IL1RL2: variants seen among roughly 807,000 people sequenced by gnomAD.
IL1RL2 encodes the protein interleukin-1 receptor-like 2.
IL1RL2 carries 68 observed loss-of-function variants against 66.8 expected under a neutral mutation model. The observed-to-expected ratio is 1.02, with a 90% CI of 0.84 to 1.25. IL1RL2 has a LOEUF of 1.25. IL1RL2 is among the 50% of genes most tolerant of loss of function. The pLI is 0.00. For synonymous variants in IL1RL2, 305 were observed against 264.6 expected, an observed-to-expected ratio of 1.15 and a Z score of -1.48; for missense variants, 729 against 709.3, an observed-to-expected ratio of 1.03 and a Z score of -0.32.
chr2:102,203,813 T>C (rs1374043841), intron 5 of IL1RL2, among the ~76,000 whole-genome samples: 1 of 152,106 alleles, frequency 6.6e-6, no homozygotes. Context: ...CTTTTTTGCT[T>C]AGTCTGGCTA....
intron 9 of IL1RL2, among the ~76,000 whole-genome samples, chr2:102,226,704 G>A (rs1690648101): frequency 6.6e-6 from 1 of 151,958 alleles, no homozygotes; most frequent in Non-Finnish European, 1.5e-5. Flanking sequence ...GAGGGAAAAC[G>A]GAGGGAAGAA....
chr2:102,195,633 C>T lies in IL1RL2; in HGVS notation c.489+3513C>T, dbSNP rs1480785375. Among the ~76,000 whole-genome samples, 245 of 27,210 alleles carry T rather than the reference C, an allele frequency of 9.0e-3. 7 individuals carry two copies. Among genetic ancestry groups the T allele is most frequent in the African/African-American group, 0.018 (186 of 10,600 alleles). 17.9% of individuals were successfully genotyped at this position (27,210 alleles called of 152,430 possible). A position where few individuals can be genotyped will look rare whatever the true frequency, so the allele number is the denominator to read the frequency against. ...TCTTTCTTTCTTTCTTTCTTTCTCT[C>T]TCTCTCTCTCTCTCTTTCTTTCTTT... On this transcript the variant is annotated intron_variant, in intron 4 of 11. Coordinates refer to ENST00000264257, the MANE Select transcript of IL1RL2 (RefSeq NM_003854.4).
chr2:102,211,639 A>G (rs1463634650), intron 5 of IL1RL2, among the ~76,000 whole-genome samples: 1 of 152,200 alleles, frequency 6.6e-6, no homozygotes, highest in Non-Finnish European at 1.5e-5. Context: ...TCTTATAAGG[A>G]CAAAACTATA....
intron 9 of IL1RL2, 58 bp downstream of exon 9, chr2:102,226,099 C>A (rs186980156): frequency 2.2e-6 from 3 of 1,334,070 alleles, no homozygotes; most frequent in Non-Finnish European, 3.0e-6. Flanking sequence ...TATACATATA[C>A]AACGATTTCA....
chr2:102,227,396 G>A (rs1690717030), intron 9 of IL1RL2, among the ~76,000 whole-genome samples: 1 of 152,158 alleles, frequency 6.6e-6, no homozygotes, highest in South Asian at 2.1e-4. Context: ...ATAAAACGTG[G>A]CTATTCACTA....
At chr2:102,223,711 G>A (rs755202460) in intron 8 of IL1RL2, among the ~76,000 whole-genome samples, 1 of 152,160 alleles carries the variant, frequency 6.6e-6, no homozygotes, top group African/African-American at 2.4e-5. Context: ...TTAGTATTGT[G>A]GGCATGGTCT....
At chr2:102,240,155 G>A (rs935595852), downstream of IL1RL2, among the ~76,000 whole-genome samples, 4 of 152,192 alleles carry the variant, frequency 2.6e-5, no homozygotes, top group African/African-American at 9.6e-5. Context: ...TTCGTGGTGT[G>A]GTCCACTGAA....
intron 6 of IL1RL2, among the ~76,000 whole-genome samples, chr2:102,215,891 C>T (rs1415066866): frequency 2.6e-5 from 4 of 152,188 alleles, no homozygotes; most frequent in African/African-American, 9.7e-5. Context: ...AATAAAGCTA[C>T]TTCATAAAAT....
At chr2:102,217,541 G>A (rs1689717204) in intron 6 of IL1RL2, among the ~76,000 whole-genome samples, 1 of 152,084 alleles carries the variant, frequency 6.6e-6, no homozygotes, top group Non-Finnish European at 1.5e-5. Context: ...ATACTAAAAA[G>A]CTATAGTAAT....
In IL1RL2 at chr2:102,233,216, G is replaced by C. The variant is rs1002327668; in HGVS notation, c.1297+92G>C. ...TTTACTAATGGCGGTGACTCTGCCT[G>C]CCTTCCCCATGGAACCACAGAGAGT... On this transcript the variant is annotated intron_variant, in intron 10 of 11. Coordinates refer to ENST00000264257, the MANE Select transcript of IL1RL2 (RefSeq NM_003854.4). 19 of 1,245,288 alleles carry C rather than the reference G, an allele frequency of 1.5e-5. No individual in the cohort carries two copies. The African/African-American group carries it at 2.3e-4, about 15-fold the overall frequency. The allele number at this position is 1,245,288 out of a possible 1,614,324, so 77.1% of individuals were successfully genotyped here.
Position 102,189,311 on chromosome 2 carries a change from G to A in IL1RL2, c.293+1G>A. On this transcript the variant is annotated splice_donor_variant, in intron 3 of 11. Coordinates refer to ENST00000264257, the MANE Select transcript of IL1RL2 (RefSeq NM_003854.4). LOFTEE classifies it high-confidence loss of function. ...CAGGAGTCTACCAATGTGTTATAAA[G>A]TAAGTTCCTAATTTAAAATAGAACT... 6.4e-7 allele frequency: 1 copy of A among 1,570,104 alleles called. No individual in the cohort carries two copies. The highest frequency in any genetic ancestry group is 8.7e-7 in the Non-Finnish European group (1 of 1,147,838).
chr2:102,222,754 T>C (rs1368135253), intron 8 of IL1RL2, among the ~76,000 whole-genome samples: 1 of 152,290 alleles, frequency 6.6e-6, no homozygotes. Context: ...TGACTTTCCA[T>C]TGGCTTACAG....
In IL1RL2 at chr2:102,192,105, A is replaced by G. The variant is rs1687280493; in HGVS notation, c.474A>G (p.Pro158=). ...LHFPKSCVLG[P]IKWYKDCNEI... ...TCCCGAAGAGTTGTGTTTTGGGTCC[A>G]ATAAAGTGGTATAAGGTAAAAAAGA... The change falls in exon 4 of 12, where the codon CCA becomes CCG. Residue 158 remains proline (P), a synonymous_variant. Coordinates refer to ENST00000264257, the MANE Select transcript of IL1RL2 (RefSeq NM_003854.4). 3 of 1,588,124 alleles carry G rather than the reference A, an allele frequency of 1.9e-6. No individual in the cohort carries two copies. Among genetic ancestry groups the G allele is most frequent in the South Asian group, 2.3e-5 (2 of 85,800 alleles).
intron 3 of IL1RL2, among the ~76,000 whole-genome samples, chr2:102,190,238 G>A (rs1407329950): frequency 6.6e-6 from 1 of 152,190 alleles, no homozygotes; most frequent in Non-Finnish European, 1.5e-5. Flanking sequence ...GAATTTGTGT[G>A]TGCAACTTTT....
intron 4 of IL1RL2, among the ~76,000 whole-genome samples, chr2:102,195,785 C>G (rs1445822317): frequency 6.7e-6 from 1 of 149,298 alleles, no homozygotes; most frequent in Non-Finnish European, 1.5e-5. Context: ...GCGGTCTTGA[C>G]TCATTGCAAC....
chr2:102,241,878 A>C (rs75597330), downstream of IL1RL2, among the ~76,000 whole-genome samples: 1,443 of 152,304 alleles, frequency 9.5e-3, 29 homozygotes, highest in African/African-American at 0.034. Flanking sequence ...TATGTTTCTA[A>C]AAGCATCTTA....
chr2:102,199,534 A>C (rs1688056558), intron 4 of IL1RL2, among the ~76,000 whole-genome samples: 1 of 152,204 alleles, frequency 6.6e-6, no homozygotes, highest in Non-Finnish European at 1.5e-5. Context: ...TTAACATTTT[A>C]ATTTTAAATC....
chr2:102,241,733 G>A (rs1675236460), downstream of IL1RL2, among the ~76,000 whole-genome samples: 1 of 152,212 alleles, frequency 6.6e-6, no homozygotes, highest in African/African-American at 2.4e-5. Context: ...AAGTAAGTGT[G>A]TAAGAGATTA....
In IL1RL2 at chr2:102,209,221, G is replaced by T. The variant is rs143135823; in HGVS notation, c.650-2879G>T. Among the ~76,000 whole-genome samples, 502 of 152,282 alleles carry T rather than the reference G, an allele frequency of 3.3e-3. 3 individuals are homozygous for T. Among genetic ancestry groups the T allele is most frequent in the South Asian group, 0.018 (85 of 4,826 alleles). On this transcript the variant is annotated intron_variant, in intron 5 of 11. Coordinates refer to ENST00000264257, the MANE Select transcript of IL1RL2 (RefSeq NM_003854.4). ...GGTCCTGATAATTCAAAAGTGAAAA[G>T]CATTGTTTCTTCTACTATGAAACTG...
Sources: gnomAD v4.1 joint callset for allele counts (sites outside exome capture counted in the v4.1 genomes callset) on GRCh38, gnomAD v4.1.1 for gene constraint, MANE v1.5 for transcripts, NCBI Gene and HGNC (gene_info 2026-07-23, HGNC 2026-07-21) for gene names.